WAPL: variants seen among roughly 807,000 people sequenced by gnomAD.
The protein encoded by WAPL is WAPL cohesin release factor.
In WAPL, 5 loss-of-function variants were observed where a neutral mutation model predicts 121.0. The observed-to-expected ratio is 0.04, with a 90% confidence interval of 0.02 to 0.09. WAPL has a LOEUF of 0.09. Ranked by LOEUF, WAPL falls within the 10% of genes least tolerant of loss-of-function variation. The pLI, the probability that WAPL is intolerant of heterozygous loss-of-function variation, is 1.00. For synonymous variants in WAPL, 480 were observed against 481.5 expected (o/e 1.00, Z 0.04); for missense variants, 999 against 1,410.8 (o/e 0.71, Z 4.68).
In WAPL at chr10:86,517,821, T is replaced by C. The variant is rs1433915256; in HGVS notation, c.249A>G (p.Pro83=). 6.2e-7 allele frequency: 1 copy of C among 1,614,236 alleles called. No homozygotes were observed. Among genetic ancestry groups the C allele is most frequent in the East Asian group, 2.2e-5 (1 of 44,882 alleles). ...CCTGGGCTAAATTCTTTGAAGAAACTGGTAGAGACTCATCATCACTATCAA... is the reference window on the plus strand; with the variant it reads ...CCTGGGCTAAATTCTTTGAAGAAACCGGTAGAGACTCATCATCACTATCAA... The part of the protein sequence containing the change: ...FGFDSDDESL[P]VSSKNLAQVK... The change falls in exon 2 of 19, where the codon CCA becomes CCG. Residue 83 remains proline, a synonymous_variant. Coordinates refer to ENST00000298767, the MANE Select transcript of WAPL (RefSeq NM_015045.5).
chr10:86,442,456 T>TC (rs1371061179), intron 17 of WAPL, among the ~76,000 whole-genome samples: 1 of 152,240 alleles, frequency 6.6e-6, no homozygotes, highest in Non-Finnish European at 1.5e-5. Context: ...ATGTAATTCT[T>TC]CCTTTTTCAT....
rs1372022086 is a variant in WAPL, at chr10:86,500,595, C to A, written c.648G>T (p.Gly216=). The A allele has an allele frequency of 6.2e-7, 1 of 1,614,112 alleles. No homozygotes were observed. The highest frequency in any genetic ancestry group is 1.1e-5 in the South Asian group (1 of 91,066). ...TTTCTGATGGTGATTCTGGCCTTTTCCCAAACTGGGAGTTCCAAGTATCAT... is the reference window on the plus strand; with the variant it reads ...TTTCTGATGGTGATTCTGGCCTTTTACCAAACTGGGAGTTCCAAGTATCAT... ...ETNDTWNSQF[G]KRPESPSEIS... The change falls in exon 3 of 19, where the codon GGG becomes GGT. Residue 216 remains glycine, a synonymous_variant. Coordinates refer to ENST00000298767, the MANE Select transcript of WAPL (RefSeq NM_015045.5).
chr10:86,443,326 A>C lies in WAPL; in HGVS notation c.3360T>G (p.Ile1120Met), dbSNP rs746044094. The C allele has an allele frequency of 6.2e-7, 1 of 1,614,106 alleles. No homozygotes were observed. Among genetic ancestry groups the C allele is most frequent in the Non-Finnish European group, 8.5e-7 (1 of 1,179,978 alleles). The change falls in exon 17 of 19, where the codon ATT (isoleucine) becomes ATG (methionine). Residue 1120 changes from isoleucine to methionine, a missense_variant. Ile to Met is a conservative substitution (Grantham distance 10). Coordinates refer to ENST00000298767, the MANE Select transcript of WAPL (RefSeq NM_015045.5). ...QHAGKHMEDC[I>M]VASYTALLLG... ...GAAGTAGTGCTGTGTAGGAGGCCAC[A>C]ATGCAATCCTCCATGTGTTTGCCGG...
intron 12 of WAPL, among the ~76,000 whole-genome samples, chr10:86,454,911 G>T (rs960759301): frequency 7.0e-6 from 1 of 142,794 alleles, no homozygotes; most frequent in African/African-American, 2.6e-5. Context: ...GGTGAGGAGC[G>T]TCTCTGCCCG....
At chr10:86,486,377 A>G (rs1564578750) in intron 4 of WAPL, among the ~76,000 whole-genome samples, 1 of 152,246 alleles carries the variant, frequency 6.6e-6, no homozygotes, top group East Asian at 1.9e-4. Context: ...TAGTAAGTTG[A>G]CAACCCGTAT....
chr10:86,442,160 T>C lies in WAPL; in HGVS notation c.3411+1115A>G, dbSNP rs376722725. Among the ~76,000 whole-genome samples the C allele has an allele frequency of 1.9e-3, 294 of 152,226 alleles. 1 individual carries two copies. Among genetic ancestry groups the C allele is most frequent in the African/African-American group, 4.5e-3 (188 of 41,532 alleles). On this transcript the variant is annotated intron_variant, in intron 17 of 18. Transcript: ENST00000298767. ...GATTCTTGCGTCTCAGCCTCCCGAG[T>C]AGCTGAGATTAGAGGTGTGCACCGC...
intron 2 of WAPL, among the ~76,000 whole-genome samples, chr10:86,517,290 CAAAA>C (rs2132235926): frequency 6.6e-6 from 1 of 152,250 alleles, no homozygotes; most frequent in South Asian, 2.1e-4. Context: ...CCTAACACAA[CAAAA>C]AGAGATATTT....
chr10:86,445,780 AAGTGCTGGGCTCACAGGTGTGAGCCACC>A (rs994840387), intron 16 of WAPL, among the ~76,000 whole-genome samples: 19 of 152,056 alleles, frequency 1.2e-4, no homozygotes, highest in East Asian at 1.9e-4. Flanking sequence ...CAGCCTCCCA[AAGTGCTGGGCTCACAGGTGTGAGCCACC>A]AGCCTACAGT....
At chr10:86,451,822 G>T in intron 15 of WAPL, 145 bp downstream of exon 15, 1 of 811,766 alleles carries the variant, frequency 1.2e-6, no homozygotes, top group Non-Finnish European at 1.9e-6. Flanking sequence ...TGCTTCAGGA[G>T]TTCTAACTAA....
At chr10:86,469,268 T>TTG in intron 8 of WAPL, among the ~76,000 whole-genome samples, 1 of 538 alleles carries the variant, frequency 1.9e-3, no homozygotes, top group Non-Finnish European at 7.9e-3. Context: ...TTTTTTTTTT[T>TTG]TTGAGACGGA....
chr10:86,479,925 A>G (rs1295925119), intron 4 of WAPL, among the ~76,000 whole-genome samples: 1 of 152,230 alleles, frequency 6.6e-6, no homozygotes, highest in Admixed American at 6.5e-5. Context: ...AAAGTCTTAC[A>G]AAGAATCTTT....
At chr10:86,441,493 G>A (rs1849470171) in intron 17 of WAPL, among the ~76,000 whole-genome samples, 2 of 151,940 alleles carry the variant, frequency 1.3e-5, no homozygotes, top group South Asian at 4.2e-4. Flanking sequence ...GGTGAGGGGT[G>A]AGAGTGGCAT....
Position 86,499,855 on chromosome 10 carries a change from T to C in WAPL, c.1388A>G (p.Asp463Gly). The change falls in exon 3 of 19, where the codon GAT (aspartate) becomes GGT (glycine). Residue 463 changes from aspartate (D) to glycine (G), a missense_variant. Asp to Gly is a moderately conservative substitution (Grantham distance 94). Around this residue, in one of 7 missense-constraint regions of WAPL, gnomAD observed 531 missense variants for 563.1 expected, o/e 0.94. Transcript: ENST00000298767. ...TACTTGACAGTCATCATCTTCATCA[T>C]CTTCGCTTTCACTGAGATCATCAAA... is the stretch of plus-strand genomic sequence containing the variant. ...FGFDDLSESEDDEDDDCQVER... is the reference protein window; with the variant it reads ...FGFDDLSESEGDEDDDCQVER... 1 of 1,614,090 alleles carries C rather than the reference T, an allele frequency of 6.2e-7. No homozygotes were observed. The highest frequency in any genetic ancestry group is 8.5e-7 in the Non-Finnish European group (1 of 1,180,014).
intron 16 of WAPL, 122 bp downstream of exon 16, chr10:86,446,120 A>T (rs1184027247): frequency 1.9e-6 from 2 of 1,073,852 alleles, no homozygotes; most frequent in Non-Finnish European, 2.7e-6. Context: ...GTCTGGACTG[A>T]ACTAGAGAGG....
At chr10:86,483,546 C>G (rs1841845133) in intron 4 of WAPL, among the ~76,000 whole-genome samples, 1 of 151,876 alleles carries the variant, frequency 6.6e-6, no homozygotes, top group Non-Finnish European at 1.5e-5. Flanking sequence ...TTAGAATATA[C>G]TCCTTCTACT....
At chr10:86,521,136 A>T (rs1842667393) in intron 1 of WAPL, among the ~76,000 whole-genome samples, 1 of 152,178 alleles carries the variant, frequency 6.6e-6, no homozygotes, top group Admixed American at 6.5e-5. Context: ...AAATCAACAC[A>T]CTTGACTGGG....
chr10:86,444,946 G>C (rs1445466755), intron 16 of WAPL, among the ~76,000 whole-genome samples: 2 of 127,782 alleles, frequency 1.6e-5, no homozygotes, highest in African/African-American at 5.8e-5. Flanking sequence ...TGAGAAAAAG[G>C]AAAAGACAAG....
At chr10:86,484,508 A>G (rs1841883501) in intron 4 of WAPL, among the ~76,000 whole-genome samples, 1 of 152,200 alleles carries the variant, frequency 6.6e-6, no homozygotes, top group African/African-American at 2.4e-5. Context: ...AAAAAGCAAA[A>G]AGAAAAAAAC....
chr10:86,484,501 A>G (rs1841883156), intron 4 of WAPL, among the ~76,000 whole-genome samples: 2 of 152,238 alleles, frequency 1.3e-5, no homozygotes, highest in Non-Finnish European at 2.9e-5. Context: ...TCAAAACAAA[A>G]AGCAAAAAGA....
Sources: gnomAD v4.1 joint callset for allele counts (sites outside exome capture counted in the v4.1 genomes callset) on GRCh38, gnomAD v4.1.1 for gene constraint, gnomAD v4.1.1 regional missense constraint, MANE v1.5 for transcripts, NCBI Gene and HGNC (gene_info 2026-07-23, HGNC 2026-07-21) for gene names.